REL: variants seen among roughly 807,000 people sequenced by gnomAD.
REL encodes the protein proto-oncogene c-Rel.
REL carries 15 observed loss-of-function variants against 45.9 expected under a neutral mutation model. The observed-to-expected ratio is 0.33, with a 90% CI of 0.22 to 0.50. The LOEUF (loss-of-function observed/expected upper bound fraction) is 0.50, where lower values mean the gene tolerates loss of function less well. REL is among the 20% of genes least tolerant of loss of function. The pLI is 0.98. For synonymous variants in REL, 239 were observed against 242.1 expected (o/e 0.99, Z 0.12); for missense variants, 601 against 715.2 (o/e 0.84, Z 1.82).
chr2:60,901,540 C>T (rs1245868746), intron 4 of REL, among the ~76,000 whole-genome samples: 1 of 152,030 alleles, frequency 6.6e-6, no homozygotes, highest in Non-Finnish European at 1.5e-5. Context: ...TGAGGAATGA[C>T]GTATACTATT....
rs1674231327 is a variant in REL at position 60,924,815 on chromosome 2, T to G, written c.*2280T>G. ...AAATGGTGAGCTGAATGCTGGGTAA[T>G]CTCTACTAGCTCCTTAATCAGATTT... On this transcript the variant is annotated 3_prime_UTR_variant, in exon 10 of 10. Coordinates refer to ENST00000394479, the MANE Select transcript of REL (RefSeq NM_001291746.2). 4.8e-6 allele frequency: 1 copy of G among 207,758 alleles called. No individual in the cohort carries two copies. The highest frequency in any genetic ancestry group is 9.8e-6 in the Non-Finnish European group (1 of 101,682). 12.9% of individuals were successfully genotyped at this position (207,758 alleles called of 1,614,324 possible).
intron 5 of REL, 78 bp from the exon 6 acceptor site, chr2:60,918,113 C>T: frequency 1.2e-6 from 1 of 829,038 alleles, no homozygotes; most frequent in South Asian, 1.7e-5. Context: ...AATGCTTTTC[C>T]TCAAATTCTT....
At chr2:60,907,487 T>C (rs533593938) in intron 4 of REL, among the ~76,000 whole-genome samples, 100 of 151,812 alleles carry the variant, frequency 6.6e-4, no homozygotes, top group African/African-American at 2.3e-3. Flanking sequence ...CTACAAAAAA[T>C]TGGCTGGGCA....
Position 60,881,613 on chromosome 2 carries a change from G to T in REL, c.-228G>T, listed in dbSNP as rs1672937038. ...GCTCCGCCCCCTGCCCCTGGCTCCC[G>T]TACGGTGGACGGCGACGCTGGGTGA... On this transcript the variant is annotated 5_prime_UTR_variant, in exon 1 of 10. Coordinates refer to ENST00000394479, the MANE Select transcript of REL (RefSeq NM_001291746.2). 5.8e-6 allele frequency: 3 copies of T among 517,816 alleles called. No homozygotes were observed. Among genetic ancestry groups the T allele is most frequent in the African/African-American group, 2.0e-5 (1 of 49,240 alleles). The allele number at this position is 517,816 out of a possible 1,614,324, so 32.1% of individuals were successfully genotyped here.
At chr2:60,914,835 GTT>G (rs34572751) in intron 4 of REL, among the ~76,000 whole-genome samples, 4 of 131,168 alleles carry the variant, frequency 3.0e-5, no homozygotes, top group Admixed American at 7.9e-5. Flanking sequence ...TTGTTTTTTT[GTT>G]TTTTTTTTTT....
chr2:60,907,722 G>A (rs182155563), intron 4 of REL, among the ~76,000 whole-genome samples: 2 of 149,938 alleles, frequency 1.3e-5, no homozygotes, highest in African/African-American at 4.9e-5. Flanking sequence ...ACGGAGTCTC[G>A]CTCTGTTGCC....
At chr2:60,897,533 C>T (rs945031396) in intron 3 of REL, among the ~76,000 whole-genome samples, 14 of 151,940 alleles carry the variant, frequency 9.2e-5, no homozygotes, top group Admixed American at 3.9e-4. Context: ...GTCTCAAACT[C>T]GTGACCTCAG....
chr2:60,912,168 A>C (rs1023230196), intron 4 of REL, among the ~76,000 whole-genome samples: 1 of 152,156 alleles, frequency 6.6e-6, no homozygotes, highest in Non-Finnish European at 1.5e-5. Flanking sequence ...GCAGTGTCAT[A>C]TTGGGATAAG....
chr2:60,882,693 A>G (rs1672975185), intron 1 of REL, among the ~76,000 whole-genome samples: 1 of 151,908 alleles, frequency 6.6e-6, no homozygotes, highest in Non-Finnish European at 1.5e-5. Context: ...AAAAAAAAAA[A>G]TGTAGTTTTT....
intron 4 of REL, among the ~76,000 whole-genome samples, chr2:60,905,890 A>G (rs6753270): frequency 6.6e-6 from 1 of 152,178 alleles, no homozygotes; most frequent in African/African-American, 2.4e-5. Context: ...CAATATATAT[A>G]CATACACCAC....
Position 60,925,430 on chromosome 2 carries a change from AATT to A in REL, c.*2902_*2904del. ...CTGAGTACCATTAATATTCCTCAGA[AATT>A]ATTATTTCAAAAGGAAATATTTCTG... On this transcript the variant is annotated 3_prime_UTR_variant, in exon 10 of 10. Coordinates refer to ENST00000394479, the MANE Select transcript of REL (RefSeq NM_001291746.2). The A allele has an allele frequency of 5.3e-6, 1 of 187,064 alleles. No homozygotes were observed. 11.6% of individuals were successfully genotyped at this position (187,064 alleles called of 1,614,324 possible). A position where few individuals can be genotyped will look rare whatever the true frequency, so the allele number is the denominator to read the frequency against.
intron 3 of REL, 66 bp downstream of exon 3, chr2:60,894,611 A>C: frequency 8.2e-7 from 1 of 1,226,422 alleles, no homozygotes; most frequent in Non-Finnish European, 1.1e-6. Flanking sequence ...TTTCTTCTCC[A>C]TGACAATCTG....
At chr2:60,898,900 A>C (rs935417121) in intron 3 of REL, 1 of 152,226 alleles carries the variant, frequency 6.6e-6, no homozygotes, top group South Asian at 2.1e-4. Context: ...CGAACCCCAA[A>C]GCTTGTTGAA....
chr2:60,922,379 T>C lies in REL; in HGVS notation c.1608T>C (p.Ser536=), dbSNP rs760460117. 59 of 1,614,030 alleles carry C rather than the reference T, an allele frequency of 3.7e-5. No homozygotes were observed. Among genetic ancestry groups the C allele is most frequent in the Non-Finnish European group, 4.2e-6 (5 of 1,180,018 alleles). The part of the protein sequence containing the change: ...QSDAFEGSDF[S]CADNSMINES... Reference sequence around the variant, plus strand: ...ATGCATTTGAGGGATCTGACTTCAGTTGTGCAGATAACAGCATGATAAATG... The same window carrying C: ...ATGCATTTGAGGGATCTGACTTCAGCTGTGCAGATAACAGCATGATAAATG... Residue 536 remains serine, a synonymous_variant, in exon 10 of 10, where the codon AGT becomes AGC. Transcript: ENST00000394479.
Position 60,927,874 on chromosome 2 carries a change from T to TACCTAC in REL, c.*5344_*5349dup, listed in dbSNP as rs1447403294. The TACCTAC allele has an allele frequency of 1.8e-5, 4 of 225,960 alleles. No homozygotes were observed. Among genetic ancestry groups the TACCTAC allele is most frequent in the Non-Finnish European group, 3.5e-5 (4 of 113,510 alleles). 14.0% of individuals were successfully genotyped at this position (225,960 alleles called of 1,614,324 possible). On this transcript the variant is annotated 3_prime_UTR_variant, in exon 10 of 10. Coordinates refer to ENST00000394479, the MANE Select transcript of REL (RefSeq NM_001291746.2). ...TTCCTTCATGCCCCTTCCCAGTCTGTACCTACACCTCTAAATCTATTTTCA... is the reference window on the plus strand; with the variant it reads ...TTCCTTCATGCCCCTTCCCAGTCTGTACCTACACCTACACCTCTAAATCTATTTTCA...
intron 1 of REL, among the ~76,000 whole-genome samples, chr2:60,890,923 C>T (rs756474437): frequency 1.8e-4 from 28 of 152,234 alleles, no homozygotes; most frequent in African/African-American, 3.9e-4. Flanking sequence ...TAACTTCTTT[C>T]ACTCAGCATA....
intron 2 of REL, among the ~76,000 whole-genome samples, chr2:60,893,559 C>G (rs1457422528): frequency 6.6e-6 from 1 of 152,160 alleles, no homozygotes; most frequent in Non-Finnish European, 1.5e-5. Flanking sequence ...CACTTTACAG[C>G]TTGAGTTTTG....
At chr2:60,914,900 T>G (rs10168495) in intron 4 of REL, among the ~76,000 whole-genome samples, 2,263 of 151,184 alleles carry the variant, frequency 0.015, 60 homozygotes, top group African/African-American at 0.052. Context: ...GTGGCACAAT[T>G]TCGGCTCACT....
In REL at chr2:60,929,384, C is replaced by T. The variant is rs1474886122; in HGVS notation, c.*6849C>T. The T allele has an allele frequency of 8.0e-5, 11 of 137,046 alleles. No homozygotes were observed. Among genetic ancestry groups the T allele is most frequent in the Admixed American group, 2.2e-4 (3 of 13,698 alleles). The allele number at this position is 137,046 out of a possible 1,614,324, so 8.5% of individuals were successfully genotyped here. A position where few individuals can be genotyped will look rare whatever the true frequency, so the allele number is the denominator to read the frequency against. On this transcript the variant is annotated 3_prime_UTR_variant, in exon 10 of 10. Transcript: ENST00000394479. Reference sequence around the variant, plus strand: ...GACACATGCACACGTATGTTTATTGCGGCATTATTCACAATAGCAAAGACT... The same window carrying T: ...GACACATGCACACGTATGTTTATTGTGGCATTATTCACAATAGCAAAGACT...
Sources: allele counts gnomAD v4.1 joint callset (sites outside exome capture counted in the v4.1 genomes callset), GRCh38; gene constraint gnomAD v4.1.1; transcripts MANE v1.5; gene names NCBI Gene and HGNC (gene_info 2026-07-23, HGNC 2026-07-21).